The following A2M variants were observed in gnomAD, a reference collection of about 807,000 sequenced individuals.
A2M encodes the protein alpha-2-macroglobulin.
In A2M, 128 loss-of-function variants were observed where a neutral mutation model predicts 183.9. That is an observed-to-expected ratio of 0.70 (90% confidence interval 0.60 to 0.81). The LOEUF (loss-of-function observed/expected upper bound fraction) is 0.81, where lower values mean the gene tolerates loss of function less well. A2M is among the 30% of genes least tolerant of loss of function. The pLI, the probability that A2M is intolerant of heterozygous loss-of-function variation, is 0.00. For synonymous variants in A2M, 592 were observed against 670.8 expected (o/e 0.88, Z 1.81); for missense variants, 1,495 against 1,787.6 (o/e 0.84, Z 2.95).
At chr12:9,069,706 A>G (rs778999372) in intron 33 of A2M, 39 bp downstream of exon 33, 8 of 1,532,086 alleles carry the variant, frequency 5.2e-6, no homozygotes, top group South Asian at 4.6e-5. Flanking sequence ...GAGGATTATT[A>G]TCTACGTTTT....
chr12:9,085,706 A>G (rs1448525969), intron 22 of A2M, among the ~76,000 whole-genome samples: 6 of 152,074 alleles, frequency 3.9e-5, no homozygotes, highest in African/African-American at 7.2e-5. Context: ...ACAAAAGATC[A>G]ATGAAACTGA....
In A2M at chr12:9,115,754, TG is replaced by T; in HGVS notation, c.86+9del. 1 of 1,605,774 alleles carries T rather than the reference TG, an allele frequency of 6.2e-7. No homozygotes were observed. The highest frequency in any genetic ancestry group is 8.5e-7 in the Non-Finnish European group (1 of 1,172,492). ...AGGTTCATGCTTCACGCTCTCTGTG[TG>T]GAACTCACGGTTTTCCAGAGACTGA... is the stretch of plus-strand genomic sequence containing the variant. On this transcript the variant is annotated intron_variant, in intron 1 of 35. Coordinates refer to ENST00000318602, the MANE Select transcript of A2M (RefSeq NM_000014.6).
chr12:9,069,904 C>T (rs1277284818), intron 32 of A2M, 91 bp from the exon 33 acceptor site: 22 of 1,073,118 alleles, frequency 2.1e-5, no homozygotes. Context: ...CAAAATAACC[C>T]TGAGGGTAGA....
chr12:9,068,239 AC>A lies in A2M; in HGVS notation c.4367-16del. 1.2e-6 allele frequency: 2 copies of A among 1,603,010 alleles called. No individual in the cohort carries two copies. The highest frequency in any genetic ancestry group is 1.1e-5 in the South Asian group (1 of 90,034). ...TGCAAACTCATCTGAAAAAAAAAAAACCAACAAAAAACCAGAAATCATTACA... is the reference window on the plus strand; with the variant it reads ...TGCAAACTCATCTGAAAAAAAAAAAACAACAAAAAACCAGAAATCATTACA... On this transcript the variant is annotated splice_polypyrimidine_tract_variant and intron_variant, in intron 34 of 35. Transcript: ENST00000318602.
At chr12:9,111,608 T>C (rs1938733600) in intron 4 of A2M, 2 of 450,052 alleles carry the variant, frequency 4.4e-6, no homozygotes, top group Non-Finnish European at 4.4e-6. Context: ...TCTTTTGTCT[T>C]TGGAGCTAGA....
chr12:9,074,346 C>T (rs1948671450), intron 29 of A2M, among the ~76,000 whole-genome samples: 1 of 152,118 alleles, frequency 6.6e-6, no homozygotes, highest in Non-Finnish European at 1.5e-5. Flanking sequence ...TGGATAATAA[C>T]ACAGCGATGG....
In A2M at chr12:9,090,021, T is replaced by A. The variant is rs1949161657; in HGVS notation, c.2599A>T (p.Asn867Tyr). 2 of 1,585,538 alleles carry A rather than the reference T, an allele frequency of 1.3e-6. No individual in the cohort carries two copies. Among genetic ancestry groups the A allele is most frequent in the Admixed American group, 1.7e-5 (1 of 58,340 alleles). Reference sequence around the variant, plus strand: ...TCTGCGCTCACAGTGAAATTCACATTTCCTGAAAAAAAAGGCCAGTAGAAA... The same window carrying A: ...TCTGCGCTCACAGTGAAATTCACATATCCTGAAAAAAAAGGCCAGTAGAAA... ...SWAVTPKSLGNVNFTVSAEAL... is the reference protein window; with the variant it reads ...SWAVTPKSLGYVNFTVSAEAL... Residue 867 changes from asparagine to tyrosine, a missense_variant and splice_region_variant, in exon 21 of 36, where the codon AAT (asparagine) becomes TAT (tyrosine). Asn to Tyr is a moderately radical substitution (Grantham distance 143). Coordinates refer to ENST00000318602, the MANE Select transcript of A2M (RefSeq NM_000014.6).
Position 9,099,491 on chromosome 12 carries a change from T to G in A2M, c.1591A>C (p.Lys531Gln), listed in dbSNP as rs1450604504. Reference sequence around the variant, plus strand: ...CGAGCGACAGGAGCAATGTCTGACTTCACAGGGATTGAGATGGAAAAATGG... The same window carrying G: ...CGAGCGACAGGAGCAATGTCTGACTGCACAGGGATTGAGATGGAAAAATGG... Reference protein sequence around the residue: ...KGHFSISIPVKSDIAPVARLL... With the variant: ...KGHFSISIPVQSDIAPVARLL... The change falls in exon 14 of 36, where the codon AAG becomes CAG. Residue 531 changes from lysine (K) to glutamine (Q), a missense_variant. Transcript: ENST00000318602. The G allele has an allele frequency of 6.2e-7, 1 of 1,610,332 alleles. No homozygotes were observed. The highest frequency in any genetic ancestry group is 1.3e-5 in the African/African-American group (1 of 74,850).
At chr12:9,112,332 G>C (rs771642345) in intron 3 of A2M, 45 bp downstream of exon 3, 2 of 1,602,586 alleles carry the variant, frequency 1.2e-6, no homozygotes, top group South Asian at 2.2e-5. Context: ...AGGGGAAGAA[G>C]ATCTTTCCTT....
chr12:9,069,678 T>A, intron 33 of A2M, 67 bp downstream of exon 33: 1 of 1,236,506 alleles, frequency 8.1e-7, no homozygotes, highest in Non-Finnish European at 1.1e-6. Context: ...TGCATTTACC[T>A]TCCCAGATGT....
intron 28 of A2M, among the ~76,000 whole-genome samples, chr12:9,075,513 T>C (rs1948721917): frequency 6.6e-6 from 1 of 152,216 alleles, no homozygotes; most frequent in Non-Finnish European, 1.5e-5. Flanking sequence ...TAATATATTA[T>C]GCAGCAGTGA....
intron 17 of A2M, among the ~76,000 whole-genome samples, chr12:9,094,379 A>C: frequency 7.0e-6 from 1 of 143,392 alleles, no homozygotes; most frequent in Admixed American, 7.1e-5. Flanking sequence ...ATATATACCT[A>C]TACATGCATA....
chr12:9,110,691 CTA>C (rs1287327708), intron 4 of A2M, among the ~76,000 whole-genome samples: 1 of 151,820 alleles, frequency 6.6e-6, no homozygotes, highest in Non-Finnish European at 1.5e-5. Context: ...TATATACCTG[CTA>C]TGTTTCCACA....
At position 9,095,705 on chromosome 12, in the gene A2M, A is replaced by T; in HGVS notation, c.1852-5T>A. 1 of 1,554,360 alleles carries T rather than the reference A, an allele frequency of 6.4e-7. No homozygotes were observed. The highest frequency in any genetic ancestry group is 8.7e-7 in the Non-Finnish European group (1 of 1,154,312). ...TTCTGGTAGCAGGTTGTAAACCTGT[A>T]CAAATACGAAAGACAAAAAGGCAAA... On this transcript the variant is annotated splice_region_variant and splice_polypyrimidine_tract_variant and intron_variant, in intron 15 of 35. Transcript: ENST00000318602.
At chr12:9,111,638 T>C (rs1464531981) in intron 4 of A2M, 1 of 415,632 alleles carries the variant, frequency 2.4e-6, no homozygotes, top group Non-Finnish European at 4.7e-6. Flanking sequence ...TTGCCTCTTT[T>C]TGAGATAAGA....
intron 31 of A2M, among the ~76,000 whole-genome samples, chr12:9,071,025 G>C (rs747616174): frequency 2.0e-4 from 31 of 152,096 alleles, no homozygotes; most frequent in African/African-American, 7.5e-4. Context: ...TCTCCATGTT[G>C]GTCAGGCTGG....
chr12:9,108,271 G>A (rs1033405308), intron 7 of A2M, among the ~76,000 whole-genome samples: 14 of 152,024 alleles, frequency 9.2e-5, no homozygotes, highest in African/African-American at 1.9e-4. Flanking sequence ...GACTACAGGC[G>A]CTGGCCACCA....
Position 9,106,505 on chromosome 12 carries a change from T to G in A2M, c.980A>C (p.Gln327Pro). Residue 327 changes from glutamine (Q) to proline (P), a missense_variant, in exon 9 of 36, where the codon CAA becomes CCA. Transcript: ENST00000318602. ...AGTACACAAACCTGTTCCTTCTTCT[T>G]GGATCTGGGCCTCAGTGTGAAGTTT... is the stretch of plus-strand genomic sequence containing the variant. ...EMKLHTEAQI[Q>P]EEGTVVELTG... 1 of 1,595,404 alleles carries G rather than the reference T, an allele frequency of 6.3e-7. No individual in the cohort carries two copies. Among genetic ancestry groups the G allele is most frequent in the Non-Finnish European group, 8.6e-7 (1 of 1,168,512 alleles).
chr12:9,098,629 T>A lies in A2M; in HGVS notation c.1829A>T (p.Asp610Val). 2.5e-6 allele frequency: 4 copies of A among 1,607,034 alleles called. No individual in the cohort carries two copies. Among genetic ancestry groups the A allele is most frequent in the Non-Finnish European group, 3.4e-6 (4 of 1,177,018 alleles). Residue 610 changes from aspartate (D) to valine (V), a missense_variant, in exon 15 of 36, where the codon GAT (aspartate) becomes GTT (valine). Asp to Val is a radical substitution (Grantham distance 152). Coordinates refer to ENST00000318602, the MANE Select transcript of A2M (RefSeq NM_000014.6). The part of the protein sequence containing the change: ...VDQSVLLMKP[D>V]AELSASSVYN... ...CACCGAGGACGCCGAGAGCTCAGCATCAGGCTTCATGAGCAGCACGCTTTG... is the reference window on the plus strand; with the variant it reads ...CACCGAGGACGCCGAGAGCTCAGCAACAGGCTTCATGAGCAGCACGCTTTG...
Sources: gnomAD v4.1 joint callset for allele counts (sites outside exome capture counted in the v4.1 genomes callset) on GRCh38, gnomAD v4.1.1 for gene constraint, MANE v1.5 for transcripts, NCBI Gene and HGNC (gene_info 2026-07-23, HGNC 2026-07-21) for gene names.